Variants in ANKS1B observed in about 807,000 individuals in gnomAD.
ANKS1B encodes the protein ankyrin repeat and sterile alpha motif domain-containing protein 1B.
In ANKS1B, 36 loss-of-function variants were observed where a neutral mutation model predicts 148.3. The ratio of observed to expected loss-of-function variants is 0.24; its 90% CI spans 0.19 to 0.32. ANKS1B has a LOEUF of 0.32. Among genes scored for constraint, ANKS1B ranks in the 10% least tolerant of loss-of-function variants. The probability of loss-of-function intolerance (pLI) is 1.00; values close to 1 mark genes in which losing one functional copy is unlikely to be tolerated. For missense variants in ANKS1B, 1,157 were observed against 1,542.6 expected, an observed-to-expected ratio of 0.75 and a Z score of 4.19; for synonymous variants, 542 against 560.8, an observed-to-expected ratio of 0.97 and a Z score of 0.47.
At chr12:99,238,551 C>G (rs978837428) in intron 14 of ANKS1B, among the ~76,000 whole-genome samples, 24 of 152,326 alleles carry the variant, frequency 1.6e-4, no homozygotes, top group African/African-American at 5.8e-4. Flanking sequence ...CGGAAGAAAG[C>G]AGTGGTTCTC....
At chr12:99,758,947 A>C (rs2061825367) in intron 8 of ANKS1B, among the ~76,000 whole-genome samples, 1 of 151,932 alleles carries the variant, frequency 6.6e-6, no homozygotes, top group Non-Finnish European at 1.5e-5. Context: ...AGTAACAAAG[A>C]ATAGATTATA....
chr12:99,903,045 C>T (rs890270356), intron 1 of ANKS1B, among the ~76,000 whole-genome samples: 1 of 152,152 alleles, frequency 6.6e-6, no homozygotes, highest in African/African-American at 2.4e-5. Context: ...GGACATGAGC[C>T]ACCATGCCCA....
intron 17 of ANKS1B, among the ~76,000 whole-genome samples, chr12:99,042,942 C>A (rs1286764696): frequency 6.6e-6 from 1 of 152,210 alleles, no homozygotes; most frequent in Non-Finnish European, 1.5e-5. Flanking sequence ...CTGCTGCCTA[C>A]TTCTACCACC....
chr12:99,600,239 T>A (rs1451494029), intron 9 of ANKS1B, among the ~76,000 whole-genome samples: 1 of 152,026 alleles, frequency 6.6e-6, no homozygotes, highest in Non-Finnish European at 1.5e-5. Flanking sequence ...TGAAAAGAAC[T>A]GTTAATCTTA....
In ANKS1B at chr12:99,150,039, C is replaced by T. The variant is rs975334103; in HGVS notation, c.2526+4250G>A. ...GGTCATGTCTTATTCACTGTTACAT[C>T]CCTAGTACTTAACACTGTCTCTGGC... On this transcript the variant is annotated intron_variant, in intron 15 of 26. Coordinates refer to ENST00000683438, the MANE Select transcript of ANKS1B (RefSeq NM_001352186.2). Among the ~76,000 whole-genome samples, 5 of 152,128 alleles carry T rather than the reference C, an allele frequency of 3.3e-5. No homozygotes were observed. In the East Asian group the frequency reaches 9.7e-4, roughly 29 times the overall value.
chr12:99,521,205 T>C (rs145488550), intron 9 of ANKS1B, among the ~76,000 whole-genome samples: 3 of 152,360 alleles, frequency 2.0e-5, no homozygotes, highest in African/African-American at 7.2e-5. Context: ...ATTGCGTTTT[T>C]TCAGCTCCAG....
chr12:99,273,588 T>G (rs1334842695), intron 12 of ANKS1B, among the ~76,000 whole-genome samples: 44 of 147,422 alleles, frequency 3.0e-4, no homozygotes, highest in African/African-American at 1.1e-3. Flanking sequence ...TTTTTTTTTT[T>G]TTTTTTGAGA....
At chr12:98,739,291 G>A (rs1171440591), downstream of ANKS1B, among the ~76,000 whole-genome samples, 2 of 152,196 alleles carry the variant, frequency 1.3e-5, no homozygotes, top group Non-Finnish European at 2.9e-5. Context: ...CTCGGAGAAG[G>A]CATCAGATGC....
At chr12:99,725,357 C>T (rs1201396531) in intron 8 of ANKS1B, among the ~76,000 whole-genome samples, 2 of 152,104 alleles carry the variant, frequency 1.3e-5, no homozygotes, top group East Asian at 3.9e-4. Flanking sequence ...GGGTTGCAAT[C>T]CTAGTCTCTG....
chr12:99,164,153 T>C (rs7969339), intron 14 of ANKS1B, among the ~76,000 whole-genome samples: 11,652 of 152,238 alleles, frequency 0.077, 557 homozygotes, highest in Middle Eastern at 0.13. Flanking sequence ...CTTTACATAG[T>C]CTAGATACTA....
intron 9 of ANKS1B, among the ~76,000 whole-genome samples, chr12:99,584,048 A>G (rs1340396155): frequency 6.6e-6 from 1 of 152,198 alleles, no homozygotes; most frequent in Non-Finnish European, 1.5e-5. Context: ...CTTTTTCACA[A>G]CAGGGTTCAT....
chr12:98,928,017 A>G (rs1457933045), intron 17 of ANKS1B, among the ~76,000 whole-genome samples: 1 of 151,666 alleles, frequency 6.6e-6, no homozygotes, highest in East Asian at 1.9e-4. Flanking sequence ...AAAGATCAAG[A>G]AAGTTAAATT....
intron 17 of ANKS1B, among the ~76,000 whole-genome samples, chr12:99,029,694 A>G (rs1160873807): frequency 6.6e-6 from 1 of 152,254 alleles, no homozygotes; most frequent in Non-Finnish European, 1.5e-5. Context: ...CATGAAATGT[A>G]CTTAATGTTT....
intron 1 of ANKS1B, among the ~76,000 whole-genome samples, chr12:99,875,438 G>GAA (rs34189477): frequency 1.0e-3 from 154 of 148,352 alleles, no homozygotes; most frequent in African/African-American, 3.7e-3. Context: ...GTTTAACTTA[G>GAA]AAAAAAAAAA....
chr12:98,782,093 T>C (rs369695318), intron 23 of ANKS1B, 33 bp downstream of exon 23: 10 of 1,577,956 alleles, frequency 6.3e-6, no homozygotes, highest in Non-Finnish European at 4.3e-6. Flanking sequence ...TATATACTAG[T>C]AATAATCACA....
chr12:99,799,269 A>C (rs1170234759), intron 4 of ANKS1B, among the ~76,000 whole-genome samples: 1 of 152,054 alleles, frequency 6.6e-6, no homozygotes, highest in Non-Finnish European at 1.5e-5. Context: ...TTCTTTAATC[A>C]GCCTCTTCTG....
chr12:98,848,744 T>TTTTTTTTTTTTTGTTTG lies in ANKS1B; in HGVS notation c.2779-16609_2779-16608insCAAACAAAAAAAAAAAA, dbSNP rs1567128994. On this transcript the variant is annotated intron_variant, in intron 17 of 26. Coordinates refer to ENST00000683438, the MANE Select transcript of ANKS1B (RefSeq NM_001352186.2). ...TGGATTAATTTCTGTGTATGTGTGG[T>TTTTTTTTTTTTTGTTTG]TTTTTTTTTTTTGAGACGGAGTCTC... 1.5e-4 allele frequency among the ~76,000 whole-genome samples: 7 copies of TTTTTTTTTTTTTGTTTG among 45,904 alleles called. 3 individuals carry two copies. The highest frequency in any genetic ancestry group is 5.6e-4 in the African/African-American group (7 of 12,508). 30.1% of individuals were successfully genotyped at this position (45,904 alleles called of 152,430 possible).
At chr12:99,505,839 G>T (rs912981751) in intron 9 of ANKS1B, among the ~76,000 whole-genome samples, 1 of 151,882 alleles carries the variant, frequency 6.6e-6, no homozygotes, top group Non-Finnish European at 1.5e-5. Flanking sequence ...TGAAAATATT[G>T]TAAGTAGAAA....
chr12:99,391,969 G>A (rs1313044708), intron 12 of ANKS1B, among the ~76,000 whole-genome samples: 1 of 152,146 alleles, frequency 6.6e-6, no homozygotes, highest in Non-Finnish European at 1.5e-5. Flanking sequence ...TAAAATCCTG[G>A]TCTATTGAAA....
Sources: gnomAD v4.1 joint callset for allele counts (sites outside exome capture counted in the v4.1 genomes callset) on GRCh38, gnomAD v4.1.1 for gene constraint, MANE v1.5 for transcripts, NCBI Gene and HGNC (gene_info 2026-07-23, HGNC 2026-07-21) for gene names.